The following GOLGA4 variants were observed in gnomAD, a reference collection of about 807,000 sequenced individuals.
The protein encoded by GOLGA4 is golgin subfamily A member 4.
A neutral mutation model predicts 265.9 loss-of-function variants in GOLGA4; 169 were observed. The ratio of observed to expected loss-of-function variants is 0.64; its 90% CI spans 0.56 to 0.72. The LOEUF (loss-of-function observed/expected upper bound fraction) is 0.72, where lower values mean the gene tolerates loss of function less well. Among genes scored for constraint, GOLGA4 ranks in the 30% least tolerant of loss-of-function variants. GOLGA4 has a pLI of 0.00. For missense variants in GOLGA4, 2,482 were observed against 2,483.4 expected, an observed-to-expected ratio of 1.00 and a Z score of 0.01; for synonymous variants, 923 against 855.8, an observed-to-expected ratio of 1.08 and a Z score of -1.37.
chr3:37,329,180 G>A (rs1488845870), intron 16 of GOLGA4, 87 bp downstream of exon 16: 2 of 1,108,770 alleles, frequency 1.8e-6, no homozygotes, highest in Admixed American at 2.8e-5. Flanking sequence ...TTTCAAATGT[G>A]TTTTTTGAAC....
chr3:37,281,979 G>T lies in GOLGA4; in HGVS notation c.184G>T (p.Ala62Ser), dbSNP rs755665322. Residue 62 changes from alanine to serine, a missense_variant, in exon 3 of 24, where the codon GCA becomes TCA. Coordinates refer to ENST00000361924, the MANE Select transcript of GOLGA4 (RefSeq NM_002078.5). Reference protein sequence around the residue: ...NRESGDTQSFAQKLQLRVPSV... With the variant: ...NRESGDTQSFSQKLQLRVPSV... The stretch of plus-strand genomic sequence containing the variant: ...GCAGTCAGGTGACACACAGTCTTTT[G>T]CACAGAAGCTCCAGCTCCGGGTGCC... 2 of 1,613,578 alleles carry T rather than the reference G, an allele frequency of 1.2e-6. No individual in the cohort carries two copies. Among genetic ancestry groups the T allele is most frequent in the Admixed American group, 3.3e-5 (2 of 59,972 alleles).
chr3:37,318,965 A>G, intron 11 of GOLGA4, 98 bp from the exon 12 acceptor site: 4 of 795,188 alleles, frequency 5.0e-6, no homozygotes, highest in Non-Finnish European at 7.7e-6. Flanking sequence ...CTTCTTAAAA[A>G]CTTATTAGTT....
chr3:37,285,992 G>A (rs745788096), intron 3 of GOLGA4, 22 bp from the exon 4 acceptor site: 4 of 1,437,606 alleles, frequency 2.8e-6, no homozygotes, highest in Admixed American at 3.9e-5. Flanking sequence ...AATGACTAAT[G>A]TTGTTGATGA....
At chr3:37,276,056 G>T in intron 2 of GOLGA4, 27 of 1,612,620 alleles carry the variant, frequency 1.7e-5, no homozygotes, top group Non-Finnish European at 2.3e-5. Context: ...TGAGACAAAT[G>T]CTCGAGATAC....
Position 37,327,382 on chromosome 3 carries a change from A to T in GOLGA4, c.5496A>T (p.Glu1832Asp), listed in dbSNP as rs148172634. The change falls in exon 14 of 24, where the codon GAA becomes GAT. Residue 1832 changes from glutamate (E) to aspartate (D), a missense_variant. Around this residue, in one of 3 missense-constraint regions of GOLGA4, gnomAD observed 942 missense variants for 983.1 expected, o/e 0.96. Coordinates refer to ENST00000361924, the MANE Select transcript of GOLGA4 (RefSeq NM_002078.5). ...KNNIQAKQNL[E>D]NVFDDVQKTL... ...ACATACAGGCAAAGCAAAACTTGGA[A>T]AATGTGTTTGACGACGTCCAGAAAA... is the stretch of plus-strand genomic sequence containing the variant. 11 of 1,613,964 alleles carry T rather than the reference A, an allele frequency of 6.8e-6. No individual in the cohort carries two copies. The East Asian group carries it at 2.5e-4, about 36-fold the overall frequency.
intron 14 of GOLGA4, 61 bp from the exon 15 acceptor site, chr3:37,328,355 G>A (rs775642417): frequency 1.6e-4 from 255 of 1,555,174 alleles, no homozygotes; most frequent in Non-Finnish European, 2.2e-4. Flanking sequence ...TAAAGACCAG[G>A]TAGCTCCTTG....
intron 2 of GOLGA4, among the ~76,000 whole-genome samples, chr3:37,256,488 T>TA (rs1049727584): frequency 9.3e-5 from 14 of 150,974 alleles, no homozygotes; most frequent in Non-Finnish European, 1.3e-4. Flanking sequence ...AAAAGGGACA[T>TA]AAAAAAAATC....
chr3:37,291,129 C>T (rs187669612), intron 5 of GOLGA4, among the ~76,000 whole-genome samples: 188 of 152,150 alleles, frequency 1.2e-3, no homozygotes, highest in Admixed American at 1.6e-3. Context: ...AGAGAGTGCA[C>T]ATTAGAGGTT....
At chr3:37,328,741 A>G (rs965247075) in intron 15 of GOLGA4, among the ~76,000 whole-genome samples, 2 of 152,124 alleles carry the variant, frequency 1.3e-5, no homozygotes, top group African/African-American at 4.8e-5. Context: ...AAACAATCTG[A>G]AAGTATTAGC....
intron 12 of GOLGA4, chr3:37,319,448 G>T: frequency 4.8e-6 from 1 of 207,476 alleles, no homozygotes; most frequent in South Asian, 1.2e-4. Context: ...AGGCTAGAGT[G>T]CAGTGGTGAG....
At chr3:37,331,722 A>G (rs2096991031) in intron 16 of GOLGA4, among the ~76,000 whole-genome samples, 1 of 152,194 alleles carries the variant, frequency 6.6e-6, no homozygotes, top group South Asian at 2.1e-4. Flanking sequence ...GAGCACAGGG[A>G]CACTTTCATT....
intron 2 of GOLGA4, among the ~76,000 whole-genome samples, chr3:37,254,853 ATAT>A (rs1381411312): frequency 6.8e-6 from 1 of 148,148 alleles, no homozygotes; most frequent in East Asian, 1.9e-4. Context: ...TTAGCTTATT[ATAT>A]TATTATTAGC....
At chr3:37,263,488 G>A (rs1434874810) in intron 2 of GOLGA4, among the ~76,000 whole-genome samples, 2 of 152,108 alleles carry the variant, frequency 1.3e-5, no homozygotes. Flanking sequence ...CCTCCATGAT[G>A]TTCACATGAC....
At chr3:37,360,993 T>G (rs746607708) in intron 22 of GOLGA4, among the ~76,000 whole-genome samples, 5 of 152,180 alleles carry the variant, frequency 3.3e-5, no homozygotes, top group Non-Finnish European at 7.4e-5. Context: ...CACCTTTCAT[T>G]ACGTTGTTTA....
At chr3:37,261,734 C>T (rs1382877448) in intron 2 of GOLGA4, among the ~76,000 whole-genome samples, 1 of 152,090 alleles carries the variant, frequency 6.6e-6, no homozygotes, top group Non-Finnish European at 1.5e-5. Context: ...TTGAAAAAAG[C>T]TGTCACTAAC....
rs147857198 is a variant in GOLGA4 at position 37,296,001 on chromosome 3, A to G, written c.682-86A>G. ...TTTGGTATTAACAGGGAATCCTGGAACCAATCCCCCACAGATACCAAGGGA... is the reference window on the plus strand; with the variant it reads ...TTTGGTATTAACAGGGAATCCTGGAGCCAATCCCCCACAGATACCAAGGGA... On this transcript the variant is annotated intron_variant, in intron 6 of 23. Transcript: ENST00000361924. 4.0e-3 allele frequency: 4,913 copies of G among 1,227,832 alleles called. 16 individuals carry two copies. Among genetic ancestry groups the G allele is most frequent in the Non-Finnish European group, 5.3e-3 (4,457 of 841,098 alleles). 76.1% of individuals were successfully genotyped at this position (1,227,832 alleles called of 1,614,324 possible).
rs148166345 is a variant in GOLGA4, at chr3:37,341,769, A to G, written c.6472+1570A>G. On this transcript the variant is annotated intron_variant, in intron 20 of 23. Transcript: ENST00000361924. ...ACTAAATCAATACTCAGCAGTGCAT[A>G]GAGAATAGTGTCAATTCCTTTTGTT... 8.1e-4 allele frequency: 123 copies of G among 152,338 alleles called. 1 individual carries two copies. Among genetic ancestry groups the G allele is most frequent in the African/African-American group, 2.9e-3 (119 of 41,572 alleles). 9.4% of individuals were successfully genotyped at this position (152,338 alleles called of 1,614,324 possible). A position where few individuals can be genotyped will look rare whatever the true frequency, so the allele number is the denominator to read the frequency against.
intron 23 of GOLGA4, among the ~76,000 whole-genome samples, chr3:37,365,530 A>G (rs1306633162): frequency 6.6e-6 from 1 of 152,100 alleles, no homozygotes; most frequent in African/African-American, 2.4e-5. Flanking sequence ...GGCCTTCCAA[A>G]GTGCTAGGAT....
chr3:37,244,553 C>T (rs2096713680), intron 1 of GOLGA4, among the ~76,000 whole-genome samples: 1 of 152,242 alleles, frequency 6.6e-6, no homozygotes, highest in South Asian at 2.1e-4. Context: ...TGAATTTCAA[C>T]AGACTGAGCA....
Sources: allele counts gnomAD v4.1 joint callset (sites outside exome capture counted in the v4.1 genomes callset), GRCh38; gene constraint gnomAD v4.1.1; regional missense constraint gnomAD v4.1.1; transcripts MANE v1.5; gene names NCBI Gene and HGNC (gene_info 2026-07-23, HGNC 2026-07-21).